Variants in KLRD1 observed in about 807,000 individuals in gnomAD.
The protein encoded by KLRD1 is killer cell lectin like receptor D1, also known as natural killer cells antigen CD94.
KLRD1 carries 21 observed loss-of-function variants against 22.6 expected under a neutral mutation model. The observed-to-expected ratio is 0.93, with a 90% CI of 0.66 to 1.34. KLRD1 has a LOEUF of 1.34. KLRD1 is among the 40% of genes most tolerant of loss of function. The pLI, the probability that KLRD1 is intolerant of heterozygous loss-of-function variation, is 0.00. For missense variants in KLRD1, 183 were observed against 208.6 expected (o/e 0.88, Z 0.76); for synonymous variants, 59 against 71.1 (o/e 0.83, Z 0.85).
chr12:10,307,063 T>G (rs1241451447), upstream of KLRD1, among the ~76,000 whole-genome samples: 8 of 152,212 alleles, frequency 5.3e-5, no homozygotes, highest in African/African-American at 1.7e-4. Flanking sequence ...TTCAAGATTC[T>G]TATTATAGCC....
chr12:10,242,616 A>G (rs186112647), intron 1 of KLRD1, among the ~76,000 whole-genome samples: 71 of 152,304 alleles, frequency 4.7e-4, no homozygotes, highest in Admixed American at 3.3e-3. Flanking sequence ...GAGCTTTCAT[A>G]CTGTCTTCTG....
At chr12:10,277,535 G>T (rs2137650455) in intron 1 of KLRD1, among the ~76,000 whole-genome samples, 1 of 152,168 alleles carries the variant, frequency 6.6e-6, no homozygotes, top group Admixed American at 6.5e-5. Context: ...TTGTGAATTT[G>T]GGACTCAGTT....
At chr12:10,308,190 G>T in intron 1 of KLRD1, 106 bp downstream of exon 1, 1 of 953,046 alleles carries the variant, frequency 1.0e-6, no homozygotes. Flanking sequence ...GATTAACAGT[G>T]GATGTTTTTA....
intron 1 of KLRD1, chr12:10,308,646 A>G (rs143782636): frequency 2.9e-4 from 45 of 154,816 alleles, no homozygotes; most frequent in Non-Finnish European, 5.2e-4. Flanking sequence ...TTGTTTATGT[A>G]TGTTCAATAT....
At chr12:10,301,324 CT>C (rs1949864420), upstream of KLRD1, among the ~76,000 whole-genome samples, 1 of 152,094 alleles carries the variant, frequency 6.6e-6, no homozygotes, top group Non-Finnish European at 1.5e-5. Flanking sequence ...TCTTTAGGTT[CT>C]GCATACCAAC....
rs1397846173 is a variant in KLRD1 at position 10,282,477 on chromosome 12, G to A, written c.-100-25501G>A. 6.6e-5 allele frequency among the ~76,000 whole-genome samples: 10 copies of A among 152,080 alleles called. No homozygotes were observed. In the East Asian group the frequency reaches 1.7e-3, roughly 26 times the overall value. The stretch of plus-strand genomic sequence containing the variant: ...TCTCCATGTTGGTCAGGCTGATCTC[G>A]AACTCCTGACCTCAGATGATCCGCC... On this transcript the variant is annotated intron_variant, in intron 1 of 5. Transcript: ENST00000544747.
chr12:10,253,146 C>T (rs918630446), intron 1 of KLRD1, among the ~76,000 whole-genome samples: 2 of 151,920 alleles, frequency 1.3e-5, no homozygotes, highest in East Asian at 3.9e-4. Flanking sequence ...CTTTCTAGAT[C>T]TATATGCTTA....
At chr12:10,287,071 G>A (rs1334679575) in intron 1 of KLRD1, among the ~76,000 whole-genome samples, 1 of 152,268 alleles carries the variant, frequency 6.6e-6, no homozygotes, top group South Asian at 2.1e-4. Flanking sequence ...GGGAGGCAGA[G>A]GTTGCAGTGA....
chr12:10,311,750 T>G (rs2137706242), intron 4 of KLRD1, 135 bp downstream of exon 4: 1 of 692,498 alleles, frequency 1.4e-6, no homozygotes, highest in Non-Finnish European at 2.3e-6. Context: ...TTATCTGTTC[T>G]GTGTACCTTA....
At chr12:10,269,530 A>C (rs367578590) in intron 1 of KLRD1, among the ~76,000 whole-genome samples, 24 of 152,324 alleles carry the variant, frequency 1.6e-4, no homozygotes, top group African/African-American at 4.8e-4. Flanking sequence ...TTTTGTCTGC[A>C]GTATGTAGTA....
chr12:10,257,482 C>CTTTTTTTTTTTTT (rs56871156), intron 1 of KLRD1, among the ~76,000 whole-genome samples: 5 of 97,372 alleles, frequency 5.1e-5, no homozygotes, highest in African/African-American at 1.7e-4. Context: ...GTAGCTGATT[C>CTTTTTTTTTTTTT]TTTTTTTTTT....
intron 1 of KLRD1, among the ~76,000 whole-genome samples, chr12:10,252,920 G>T (rs1240339465): frequency 6.7e-6 from 1 of 148,988 alleles, no homozygotes; most frequent in East Asian, 2.0e-4. Context: ...AGCATTACTG[G>T]CTTTGCTGTC....
chr12:10,242,072 T>TTTTTG (rs1491313514), intron 1 of KLRD1, among the ~76,000 whole-genome samples: 1 of 11,962 alleles, frequency 8.4e-5, no homozygotes, highest in East Asian at 1.9e-3. Context: ...GTTCTTGCTG[T>TTTTTG]TTTTTTTTTT....
chr12:10,292,913 G>C lies in KLRD1; in HGVS notation c.-100-15065G>C, dbSNP rs1050286067. On this transcript the variant is annotated intron_variant, in intron 1 of 5. Coordinates refer to the KLRD1 transcript ENST00000544747. ...TCAATTATCTTAGTTAGATCTTCTGGATAACTTGCTGTAGCTTCTTCATCA... is the reference window on the plus strand; with the variant it reads ...TCAATTATCTTAGTTAGATCTTCTGCATAACTTGCTGTAGCTTCTTCATCA... 4.0e-5 allele frequency among the ~76,000 whole-genome samples: 6 copies of C among 151,662 alleles called. No homozygotes were observed. In the East Asian group the frequency reaches 9.7e-4, roughly 25 times the overall value.
chr12:10,264,776 C>T (rs1332900113), intron 1 of KLRD1, among the ~76,000 whole-genome samples: 1 of 151,654 alleles, frequency 6.6e-6, no homozygotes, highest in Non-Finnish European at 1.5e-5. Flanking sequence ...CCATAATTAC[C>T]ATGGTGAACA....
In KLRD1 at chr12:10,315,206, C is replaced by T. The variant is rs537214622; in HGVS notation, c.*413C>T. 3 of 399,950 alleles carry T rather than the reference C, an allele frequency of 7.5e-6. No homozygotes were observed. Among genetic ancestry groups the T allele is most frequent in the Admixed American group, 5.9e-5 (2 of 34,172 alleles). The allele number at this position is 399,950 out of a possible 1,614,324, so 24.8% of individuals were successfully genotyped here. A position where few individuals can be genotyped will look rare whatever the true frequency, so the allele number is the denominator to read the frequency against. Reference sequence around the variant, plus strand: ...GGAGCATAGTGGCAAGATCATAGCTCATTGCAAGCTCAAGTGATCCTCCTG... The same window carrying T: ...GGAGCATAGTGGCAAGATCATAGCTTATTGCAAGCTCAAGTGATCCTCCTG... On this transcript the variant is annotated 3_prime_UTR_variant, in exon 6 of 6. Coordinates refer to ENST00000336164, the MANE Select transcript of KLRD1 (RefSeq NM_002262.5).
chr12:10,279,746 T>G (rs1372784660), intron 1 of KLRD1, among the ~76,000 whole-genome samples: 1 of 152,148 alleles, frequency 6.6e-6, no homozygotes, highest in Non-Finnish European at 1.5e-5. Flanking sequence ...ACATCAAAAT[T>G]TTTCCTGCCT....
At chr12:10,303,719 C>G (rs372269009), upstream of KLRD1, among the ~76,000 whole-genome samples, 2 of 152,024 alleles carry the variant, frequency 1.3e-5, no homozygotes, top group African/African-American at 4.8e-5. Flanking sequence ...TGTCCTGAGC[C>G]CCAACAACAC....
intron 1 of KLRD1, among the ~76,000 whole-genome samples, chr12:10,289,325 T>C (rs74060314): frequency 0.016 from 2,394 of 152,328 alleles, 53 homozygotes; most frequent in African/African-American, 0.054. Context: ...CTAGGTCCTA[T>C]ATAAAGGACT....
Sources: gnomAD v4.1 joint callset for allele counts (sites outside exome capture counted in the v4.1 genomes callset) on GRCh38, gnomAD v4.1.1 for gene constraint, MANE v1.5 for transcripts, NCBI Gene and HGNC (gene_info 2026-07-23, HGNC 2026-07-21) for gene names.